KIRREL3: variants seen among roughly 807,000 people sequenced by gnomAD.
KIRREL3 encodes kin of IRRE-like protein 3.
KIRREL3 carries 36 observed loss-of-function variants against 89.7 expected under a neutral mutation model. That is an observed-to-expected ratio of 0.40 (90% confidence interval 0.31 to 0.53). The LOEUF is 0.53. Among genes scored for constraint, KIRREL3 ranks in the 20% least tolerant of loss-of-function variants. The pLI, the probability that KIRREL3 is intolerant of heterozygous loss-of-function variation, is 0.49. For synonymous variants in KIRREL3, 445 were observed against 441.4 expected (o/e 1.01, Z -0.10); for missense variants, 864 against 1,056.6 (o/e 0.82, Z 2.53).
rs1319093175 is a variant in KIRREL3 at position 126,843,755 on chromosome 11, TA to T, written c.55+156699del. Among the ~76,000 whole-genome samples, 5 of 152,042 alleles carry T rather than the reference TA, an allele frequency of 3.3e-5. No homozygotes were observed. Among genetic ancestry groups the T allele is most frequent in the African/African-American group, 9.6e-5 (4 of 41,494 alleles). On this transcript the variant is annotated intron_variant, in intron 1 of 16. Coordinates refer to ENST00000525144, the MANE Select transcript of KIRREL3 (RefSeq NM_032531.4). This position sits in a 1 kb window ranked among gnomAD's most constrained non-coding sequence, Gnocchi z 4.6. ...ACTTTGCTGATAAAACAGCTTACAG[TA>T]AAAAAGCTGGCTAAAACCCACCAAA...
At position 126,463,083 on chromosome 11, in the gene KIRREL3, G is replaced by T; in HGVS notation, c.742+74C>A. On this transcript the variant is annotated intron_variant, in intron 6 of 16. Transcript: ENST00000525144. This position sits in a 1 kb window ranked among gnomAD's most constrained non-coding sequence, Gnocchi z 5.9. ...CATTTCCTGCTATCAGATGGGCCAG[G>T]CTATGGTCAGGGTTGCTGGGTGTTT... is the stretch of plus-strand genomic sequence containing the variant. 1 of 1,459,844 alleles carries T rather than the reference G, an allele frequency of 6.9e-7. No individual in the cohort carries two copies. The highest frequency in any genetic ancestry group is 2.3e-5 in the East Asian group (1 of 43,618). The allele number at this position is 1,459,844 out of a possible 1,614,324, so 90.4% of individuals were successfully genotyped here.
In KIRREL3 at chr11:126,761,882, A is replaced by G. The variant is rs1422573796; in HGVS notation, c.56-198970T>C. On this transcript the variant is annotated intron_variant, in intron 1 of 16. Coordinates refer to ENST00000525144, the MANE Select transcript of KIRREL3 (RefSeq NM_032531.4). The surrounding 1 kb of genome is among the most constrained non-coding windows in gnomAD (Gnocchi z 4.4). The stretch of plus-strand genomic sequence containing the variant: ...GATATCTAGTTGTGAATTTCCTATA[A>G]TTAAATATAGTTTGGGCTGGGTGAG... Among the ~76,000 whole-genome samples, 2 of 152,092 alleles carry G rather than the reference A, an allele frequency of 1.3e-5. No homozygotes were observed. The highest frequency in any genetic ancestry group is 2.9e-5 in the Non-Finnish European group (2 of 68,022).
rs2322498 is a variant in KIRREL3 at position 126,843,533 on chromosome 11, A to C, written c.55+156922T>G. Among the ~76,000 whole-genome samples, 129,365 of 152,160 alleles carry C rather than the reference A, an allele frequency of 0.85. 55,200 individuals are homozygous for C. Among genetic ancestry groups the C allele is most frequent in the East Asian group, 1 (5,169 of 5,176 alleles). ...CCAGCCTAGTCAGCTATGCAATCAAACCAAAGCATGCCTAAGCGATAACTG... is the reference window on the plus strand; with the variant it reads ...CCAGCCTAGTCAGCTATGCAATCAACCCAAAGCATGCCTAAGCGATAACTG... On this transcript the variant is annotated intron_variant, in intron 1 of 16. Coordinates refer to ENST00000525144, the MANE Select transcript of KIRREL3 (RefSeq NM_032531.4). The surrounding 1 kb of genome is among the most constrained non-coding windows in gnomAD (Gnocchi z 4.6).
rs578007929 is a variant in KIRREL3 at position 126,490,123 on chromosome 11, G to A, written c.434-16657C>T. Among the ~76,000 whole-genome samples the A allele has an allele frequency of 2.7e-5, 4 of 150,206 alleles. No individual in the cohort carries two copies. The South Asian group carries it at 8.4e-4, about 31-fold the overall frequency. ...GTTAGCTCCCATGATGGGCATTCGTGTTTGTGGCCAGAGGCATACATAATC... is the reference window on the plus strand; with the variant it reads ...GTTAGCTCCCATGATGGGCATTCGTATTTGTGGCCAGAGGCATACATAATC... On this transcript the variant is annotated intron_variant, in intron 4 of 16. Coordinates refer to ENST00000525144, the MANE Select transcript of KIRREL3 (RefSeq NM_032531.4). This position sits in a 1 kb window ranked among gnomAD's most constrained non-coding sequence, Gnocchi z 4.2.
chr11:126,593,217 C>T (rs1217557062), intron 1 of KIRREL3, among the ~76,000 whole-genome samples: 1 of 152,226 alleles, frequency 6.6e-6, no homozygotes, highest in African/African-American at 2.4e-5. Context: ...GCAGTTCTCC[C>T]ACAGCTCATC....
In KIRREL3 at chr11:126,491,871, T is replaced by C. The variant is rs1027927593; in HGVS notation, c.434-18405A>G. Among the ~76,000 whole-genome samples, 2 of 151,852 alleles carry C rather than the reference T, an allele frequency of 1.3e-5. No individual in the cohort carries two copies. The highest frequency in any genetic ancestry group is 4.8e-5 in the African/African-American group (2 of 41,328). On this transcript the variant is annotated intron_variant, in intron 4 of 16. Coordinates refer to ENST00000525144, the MANE Select transcript of KIRREL3 (RefSeq NM_032531.4). This position sits in a 1 kb window ranked among gnomAD's most constrained non-coding sequence, Gnocchi z 5.5. ...CGCGCACCACCATGCCTGGCTAATT[T>C]TTGTATTTTTAGTAGAGATGGGGTT...
intron 1 of KIRREL3, among the ~76,000 whole-genome samples, chr11:126,786,207 T>C (rs1282396655): frequency 6.6e-6 from 1 of 152,102 alleles, no homozygotes; most frequent in Non-Finnish European, 1.5e-5. Flanking sequence ...ATGATAACTA[T>C]GCTAAATGAA....
At chr11:126,619,276 A>T (rs1215420459) in intron 1 of KIRREL3, among the ~76,000 whole-genome samples, 1 of 152,214 alleles carries the variant, frequency 6.6e-6, no homozygotes, top group Non-Finnish European at 1.5e-5. Context: ...GGCCAGACTG[A>T]GTTTGGCACA....
chr11:126,548,483 C>T (rs1054539293), intron 2 of KIRREL3, among the ~76,000 whole-genome samples: 1 of 152,210 alleles, frequency 6.6e-6, no homozygotes, highest in Non-Finnish European at 1.5e-5. Flanking sequence ...GCTTGGGTGC[C>T]CTAGCTGTGA....
chr11:126,452,189 G>A (rs1439800158), intron 7 of KIRREL3, among the ~76,000 whole-genome samples: 1 of 152,238 alleles, frequency 6.6e-6, no homozygotes, highest in Non-Finnish European at 1.5e-5. Context: ...AATAACAACT[G>A]TAGTTTAACA....
intron 4 of KIRREL3, among the ~76,000 whole-genome samples, chr11:126,517,991 C>A (rs1958471098): frequency 1.3e-5 from 2 of 152,256 alleles, no homozygotes; most frequent in African/African-American, 4.8e-5. Flanking sequence ...TCCTTGGCAG[C>A]TGGCTGGGCC....
Position 126,676,594 on chromosome 11 carries a change from G to C in KIRREL3, c.56-113682C>G, listed in dbSNP as rs1221764544. Among the ~76,000 whole-genome samples the C allele has an allele frequency of 1.3e-5, 2 of 152,098 alleles. No homozygotes were observed. The highest frequency in any genetic ancestry group is 2.9e-5 in the Non-Finnish European group (2 of 68,024). On this transcript the variant is annotated intron_variant, in intron 1 of 16. Coordinates refer to ENST00000525144, the MANE Select transcript of KIRREL3 (RefSeq NM_032531.4). This position sits in a 1 kb window ranked among gnomAD's most constrained non-coding sequence, Gnocchi z 4.5. ...AGCAGTCTGTGAATACGTATTCTGAGGGGTCTTTGAGTTCTCAAGTTCAGG... is the reference window on the plus strand; with the variant it reads ...AGCAGTCTGTGAATACGTATTCTGACGGGTCTTTGAGTTCTCAAGTTCAGG...
At chr11:126,693,607 C>CCACACACACACACACACACACA (rs34918602) in intron 1 of KIRREL3, among the ~76,000 whole-genome samples, 1 of 149,884 alleles carries the variant, frequency 6.7e-6, no homozygotes, top group African/African-American at 2.5e-5. Flanking sequence ...GTGCCTGTGA[C>CCACACACACACACACACACACA]CACACACACA....
rs952273128 is a variant in KIRREL3 at position 126,565,509 on chromosome 11, C to T, written c.56-2597G>A. On this transcript the variant is annotated intron_variant, in intron 1 of 16. Transcript: ENST00000525144. The surrounding 1 kb of genome is among the most constrained non-coding windows in gnomAD (Gnocchi z 5.4). ...TTAGTCTTAATTATTTAGGCGGCTA[C>T]GTTACAAGGCGCTAATAAGCACACT... is the stretch of plus-strand genomic sequence containing the variant. Among the ~76,000 whole-genome samples the T allele has an allele frequency of 7.2e-5, 11 of 152,144 alleles. No homozygotes were observed. The highest frequency in any genetic ancestry group is 4.1e-4 in the South Asian group (2 of 4,826).
At chr11:126,895,554 A>G (rs965401132) in intron 1 of KIRREL3, among the ~76,000 whole-genome samples, 13 of 152,122 alleles carry the variant, frequency 8.5e-5, no homozygotes, top group Admixed American at 8.5e-4. Context: ...TTCCAAAGCA[A>G]TGCTCTGGGA....
chr11:126,575,029 A>T lies in KIRREL3; in HGVS notation c.56-12117T>A, dbSNP rs1021290612. ...TTCTTGACTCAGGCTCTGTCAGTCC[A>T]CAGAGGGTGGTTATGGCAATGTGGA... On this transcript the variant is annotated intron_variant, in intron 1 of 16. Transcript: ENST00000525144. This position sits in a 1 kb window ranked among gnomAD's most constrained non-coding sequence, Gnocchi z 7.0. 3.3e-5 allele frequency among the ~76,000 whole-genome samples: 5 copies of T among 152,168 alleles called. No individual in the cohort carries two copies. Among genetic ancestry groups the T allele is most frequent in the African/African-American group, 1.2e-4 (5 of 41,442 alleles).
rs12276752 is a variant in KIRREL3 at position 126,623,723 on chromosome 11, G to T, written c.56-60811C>A. On this transcript the variant is annotated intron_variant, in intron 1 of 16. Transcript: ENST00000525144. This position sits in a 1 kb window ranked among gnomAD's most constrained non-coding sequence, Gnocchi z 4.1. ...CAAGACCAGGCAAAGCAGGCGAGGA[G>T]AAAGCCATTGAATAAATACTAAGCT... 6.5e-3 allele frequency among the ~76,000 whole-genome samples: 997 copies of T among 152,236 alleles called. 7 individuals carry two copies. Among genetic ancestry groups the T allele is most frequent in the African/African-American group, 0.023 (949 of 41,536 alleles).
chr11:126,902,797 A>G (rs1946423295), intron 1 of KIRREL3, among the ~76,000 whole-genome samples: 1 of 152,222 alleles, frequency 6.6e-6, no homozygotes, highest in South Asian at 2.1e-4. Context: ...TAGTCATGGA[A>G]GAGATGCAAT....
chr11:126,911,722 G>A (rs1055073831), intron 1 of KIRREL3, among the ~76,000 whole-genome samples: 27 of 152,146 alleles, frequency 1.8e-4, no homozygotes, highest in Non-Finnish European at 2.5e-4. Context: ...GGTGGCTCAC[G>A]CCTGTAATCC....
Sources: gnomAD v4.1 joint callset for allele counts (sites outside exome capture counted in the v4.1 genomes callset) on GRCh38, gnomAD v4.1.1 for gene constraint, Gnocchi (gnomAD v3.1) non-coding constraint, MANE v1.5 for transcripts, NCBI Gene and HGNC (gene_info 2026-07-23, HGNC 2026-07-21) for gene names.